The following CTNNA2 variants were observed in gnomAD, a reference collection of about 807,000 sequenced individuals.
CTNNA2 encodes catenin alpha-2.
In CTNNA2, 42 loss-of-function variants were observed where a neutral mutation model predicts 101.0. The ratio of observed to expected loss-of-function variants is 0.42; its 90% confidence interval spans 0.32 to 0.54. The LOEUF is 0.54. Among genes scored for constraint, CTNNA2 ranks in the 20% least tolerant of loss-of-function variants. The pLI, the probability that CTNNA2 is intolerant of heterozygous loss-of-function variation, is 0.14. For missense variants in CTNNA2, 871 were observed against 1,223.1 expected, an observed-to-expected ratio of 0.71 and a Z score of 4.29; for synonymous variants, 450 against 456.4, an observed-to-expected ratio of 0.99 and a Z score of 0.18.
intron 7 of CTNNA2, among the ~76,000 whole-genome samples, chr2:80,034,640 C>A (rs1039846601): frequency 6.6e-6 from 1 of 152,164 alleles, no homozygotes; most frequent in Non-Finnish European, 1.5e-5. Context: ...AGGTGTGAGC[C>A]ACCACGCCCA....
At chr2:79,775,781 T>A (rs545441790) in intron 3 of CTNNA2, among the ~76,000 whole-genome samples, 101 of 152,294 alleles carry the variant, frequency 6.6e-4, no homozygotes, top group African/African-American at 2.2e-3. Context: ...AGTAGACAGT[T>A]GACATTGCCA....
chr2:79,190,358 T>C (rs560479453), intron 1 of CTNNA2, among the ~76,000 whole-genome samples: 45 of 152,176 alleles, frequency 3.0e-4, no homozygotes, highest in African/African-American at 1.1e-3. Context: ...GCGATTTTGT[T>C]TCTCAAATTT....
rs531842324 is a variant in CTNNA2, at chr2:80,374,833, A to G, written c.1057-18378A>G. ...AAGGTCGTATCGCCCAAATATAGTC[A>G]CATTCTGAGGTCTTAGGGTTTAGCA... On this transcript the variant is annotated intron_variant, in intron 7 of 18. Coordinates refer to ENST00000402739, the MANE Select transcript of CTNNA2 (RefSeq NM_001282597.3). 2.0e-4 allele frequency among the ~76,000 whole-genome samples: 30 copies of G among 152,048 alleles called. No individual in the cohort carries two copies. In the South Asian group the frequency reaches 6.2e-3, roughly 32 times the overall value.
At chr2:79,583,651 C>T (rs540752798) in intron 1 of CTNNA2, among the ~76,000 whole-genome samples, 1 of 152,194 alleles carries the variant, frequency 6.6e-6, no homozygotes, top group Non-Finnish European at 1.5e-5. Context: ...AAGCCATATA[C>T]GATCATTTCA....
intron 2 of CTNNA2, among the ~76,000 whole-genome samples, chr2:79,266,556 G>A (rs984367671): frequency 6.6e-6 from 1 of 152,098 alleles, no homozygotes; most frequent in African/African-American, 2.4e-5. Flanking sequence ...AACTGGTACT[G>A]AATGTAATTC....
intron 7 of CTNNA2, among the ~76,000 whole-genome samples, chr2:80,103,478 G>A (rs1700677391): frequency 6.6e-6 from 1 of 152,050 alleles, no homozygotes; most frequent in Non-Finnish European, 1.5e-5. Context: ...TGGAGGTTAG[G>A]GCTTCAACAT....
chr2:79,200,515 C>T (rs906825945), intron 2 of CTNNA2, among the ~76,000 whole-genome samples: 16 of 152,060 alleles, frequency 1.1e-4, no homozygotes, highest in Admixed American at 2.0e-4. Context: ...CTCCGCAAAA[C>T]GGAGTCTGGC....
intron 9 of CTNNA2, among the ~76,000 whole-genome samples, chr2:80,444,334 A>G (rs1423053056): frequency 2.0e-5 from 3 of 152,234 alleles, no homozygotes; most frequent in African/African-American, 4.8e-5. Context: ...AGGCATAAAT[A>G]TTAGAACAAT....
intron 4 of CTNNA2, among the ~76,000 whole-genome samples, chr2:79,408,708 A>G (rs1678368853): frequency 1.3e-5 from 2 of 152,072 alleles, no homozygotes; most frequent in Non-Finnish European, 1.5e-5. Flanking sequence ...ACTGTTGGAC[A>G]TTTGGATTGG....
chr2:79,844,979 T>TACACACACACACACACAC (rs59885288), intron 3 of CTNNA2, among the ~76,000 whole-genome samples: 42,786 of 139,588 alleles, frequency 0.31, 7,092 homozygotes, highest in East Asian at 0.46. Flanking sequence ...GAAAACAAAC[T>TACACACACACACACACAC]ACACACACAC....
chr2:80,214,247 C>T (rs1300689941), intron 7 of CTNNA2, among the ~76,000 whole-genome samples: 1 of 152,096 alleles, frequency 6.6e-6, no homozygotes, highest in Non-Finnish European at 1.5e-5. Flanking sequence ...GAATGTGATC[C>T]TGTCATTATG....
At chr2:80,016,133 T>C (rs1049773018) in intron 7 of CTNNA2, among the ~76,000 whole-genome samples, 5 of 152,340 alleles carry the variant, frequency 3.3e-5, no homozygotes, top group African/African-American at 1.2e-4. Context: ...GAGCATTTAG[T>C]GACCAAGAAA....
chr2:79,330,072 G>T (rs2104417555), intron 3 of CTNNA2, among the ~76,000 whole-genome samples: 1 of 152,258 alleles, frequency 6.6e-6, no homozygotes. Flanking sequence ...AGTAGTGGTT[G>T]TGGTGGTGTC....
At chr2:80,496,125 G>A (rs186580379) in intron 9 of CTNNA2, among the ~76,000 whole-genome samples, 18 of 152,024 alleles carry the variant, frequency 1.2e-4, no homozygotes, top group Non-Finnish European at 2.2e-4. Flanking sequence ...TATAGGTTTC[G>A]GAGAGAACAT....
At chr2:79,806,224 A>AT (rs1553471026) in intron 3 of CTNNA2, among the ~76,000 whole-genome samples, 15 of 16,822 alleles carry the variant, frequency 8.9e-4, no homozygotes, top group African/African-American at 1.3e-3. Flanking sequence ...TTGGAGTTTT[A>AT]TTTAAAAAAA....
At chr2:79,951,985 C>T (rs11689409) in intron 7 of CTNNA2, among the ~76,000 whole-genome samples, 46,144 of 152,018 alleles carry the variant, frequency 0.3, 7,469 homozygotes, top group Non-Finnish European at 0.37. Flanking sequence ...CATGCTGTTG[C>T]AGTCTCTAGG....
intron 7 of CTNNA2, among the ~76,000 whole-genome samples, chr2:79,918,479 C>T (rs1686418195): frequency 6.6e-6 from 1 of 152,148 alleles, no homozygotes; most frequent in Non-Finnish European, 1.5e-5. Context: ...GTTAATGAAA[C>T]CATTGGGGTT....
At chr2:79,249,914 C>A (rs976132535) in intron 2 of CTNNA2, among the ~76,000 whole-genome samples, 5 of 152,162 alleles carry the variant, frequency 3.3e-5, no homozygotes, top group South Asian at 4.1e-4. Flanking sequence ...TTTTCCCCAT[C>A]CTGGGTCTTC....
intron 3 of CTNNA2, among the ~76,000 whole-genome samples, chr2:79,781,300 GT>G (rs1051336774): frequency 9.9e-5 from 15 of 152,278 alleles, no homozygotes; most frequent in African/African-American, 3.1e-4. Context: ...ACCATCTTGG[GT>G]TTGGTGGGTT....
Sources: gnomAD v4.1 joint callset for allele counts (sites outside exome capture counted in the v4.1 genomes callset) on GRCh38, gnomAD v4.1.1 for gene constraint, MANE v1.5 for transcripts, NCBI Gene and HGNC (gene_info 2026-07-23, HGNC 2026-07-21) for gene names.